UTRN: variants seen among roughly 807,000 people sequenced by gnomAD.
The protein encoded by UTRN is utrophin, also known as dystrophin-related protein 1.
In UTRN, 283 loss-of-function variants were observed where a neutral mutation model predicts 463.9. The observed-to-expected ratio is 0.61, with a 90% CI of 0.55 to 0.67. The LOEUF is 0.67. Ranked by LOEUF, UTRN falls within the 30% of genes least tolerant of loss-of-function variation. The pLI is 0.00. For synonymous variants in UTRN, 1,442 were observed against 1,431.5 expected, an observed-to-expected ratio of 1.01 and a Z score of -0.17; for missense variants, 3,922 against 4,084.3, an observed-to-expected ratio of 0.96 and a Z score of 1.08.
chr6:144,727,676 G>A (rs972797815), intron 53 of UTRN, among the ~76,000 whole-genome samples: 4 of 151,854 alleles, frequency 2.6e-5, no homozygotes, highest in Admixed American at 6.6e-5. Flanking sequence ...GGAGAATGGC[G>A]TGAACCCAGG....
At position 144,537,664 on chromosome 6, in the gene UTRN, G is replaced by A. The variant is rs1326006330; in HGVS notation, c.6316G>A (p.Ala2106Thr). 4 of 1,612,264 alleles carry A rather than the reference G, an allele frequency of 2.5e-6. No homozygotes were observed. The highest frequency in any genetic ancestry group is 3.4e-6 in the Non-Finnish European group (4 of 1,179,282). ...CTGTTGGTTAACAAAGGCTGAGCAT[G>A]CTATGCAAAAGAGATCAACCACCGA... ...IICWLTKAEH[A>T]MQKRSTTELG... Residue 2106 changes from alanine to threonine, a missense_variant, in exon 44 of 75, where the codon GCT becomes ACT. Around this residue, in one of 3 missense-constraint regions of UTRN, gnomAD observed 2,349 missense variants for 2,303.8 expected, o/e 1.02. Transcript: ENST00000367545.
Position 144,851,629 on chromosome 6 carries a change from C to G in UTRN, c.*632C>G, listed in dbSNP as rs1032033739. On this transcript the variant is annotated 3_prime_UTR_variant, in exon 75 of 75. Transcript: ENST00000367545. ...TACACACATATGGTTTAAGCTACAGCCCTGTGTATGCCGTTTAACTTTATT... is the reference window on the plus strand; with the variant it reads ...TACACACATATGGTTTAAGCTACAGGCCTGTGTATGCCGTTTAACTTTATT... 2 of 152,170 alleles carry G rather than the reference C, an allele frequency of 1.3e-5. No individual in the cohort carries two copies. The highest frequency in any genetic ancestry group is 2.9e-5 in the Non-Finnish European group (2 of 68,064). 9.4% of individuals were successfully genotyped at this position (152,170 alleles called of 1,614,324 possible).
intron 65 of UTRN, among the ~76,000 whole-genome samples, chr6:144,810,197 A>G (rs947719926): frequency 4.6e-5 from 7 of 152,016 alleles, no homozygotes; most frequent in African/African-American, 1.7e-4. Flanking sequence ...GGGTCTTATG[A>G]CCCTTTAGGG....
chr6:144,711,183 G>T (rs115493537), intron 53 of UTRN, among the ~76,000 whole-genome samples: 1 of 151,882 alleles, frequency 6.6e-6, no homozygotes, highest in Non-Finnish European at 1.5e-5. Flanking sequence ...GTGTGGTGGC[G>T]GGTGCCTATC....
chr6:144,722,180 T>G (rs867650490), intron 53 of UTRN, among the ~76,000 whole-genome samples: 2 of 152,164 alleles, frequency 1.3e-5, no homozygotes, highest in Non-Finnish European at 2.9e-5. Context: ...TCACCCTCAT[T>G]CTTCACTCAC....
At chr6:144,623,694 T>C (rs1413177765) in intron 51 of UTRN, among the ~76,000 whole-genome samples, 3 of 152,240 alleles carry the variant, frequency 2.0e-5, no homozygotes, top group African/African-American at 7.2e-5. Flanking sequence ...TTAATATTTC[T>C]AATTCACTAT....
At chr6:144,408,312 C>G (rs549880801) in intron 3 of UTRN, among the ~76,000 whole-genome samples, 1 of 152,302 alleles carries the variant, frequency 6.6e-6, no homozygotes, top group African/African-American at 2.4e-5. Flanking sequence ...GCTTGTTAGC[C>G]GGCCGGTCTC....
At chr6:144,681,825 T>A (rs1307282964) in intron 52 of UTRN, among the ~76,000 whole-genome samples, 1 of 152,144 alleles carries the variant, frequency 6.6e-6, no homozygotes, top group Admixed American at 6.5e-5. Flanking sequence ...CTTTTAAAAA[T>A]TTTTTTAATT....
chr6:144,747,614 A>G (rs1562856430), intron 54 of UTRN, among the ~76,000 whole-genome samples: 2 of 152,188 alleles, frequency 1.3e-5, no homozygotes, highest in Non-Finnish European at 2.9e-5. Flanking sequence ...GCATTGTGGA[A>G]GCCCCCTTGC....
intron 23 of UTRN, among the ~76,000 whole-genome samples, chr6:144,470,176 T>C (rs28719517): frequency 6.6e-6 from 1 of 152,180 alleles, no homozygotes; most frequent in Non-Finnish European, 1.5e-5. Flanking sequence ...TCCACAAAAC[T>C]GCCATCGTCA....
intron 2 of UTRN, among the ~76,000 whole-genome samples, chr6:144,307,525 T>C (rs926889977): frequency 3.3e-5 from 5 of 152,238 alleles, no homozygotes; most frequent in Admixed American, 3.3e-4. Flanking sequence ...TTTCTTTTTT[T>C]CTGAAATTAG....
At chr6:144,342,102 G>A (rs1406684748) in intron 2 of UTRN, among the ~76,000 whole-genome samples, 1 of 152,136 alleles carries the variant, frequency 6.6e-6, no homozygotes, top group Non-Finnish European at 1.5e-5. Context: ...GGTTTCGATA[G>A]CCATTAAGGA....
intron 3 of UTRN, among the ~76,000 whole-genome samples, chr6:144,407,575 A>G (rs1223339929): frequency 3.3e-5 from 5 of 152,236 alleles, no homozygotes; most frequent in Admixed American, 6.5e-5. Flanking sequence ...ACCCAATACA[A>G]TTCTTCACAT....
intron 51 of UTRN, among the ~76,000 whole-genome samples, chr6:144,590,233 G>A (rs1254646238): frequency 6.6e-6 from 1 of 152,060 alleles, no homozygotes; most frequent in Non-Finnish European, 1.5e-5. Context: ...TCAAGTATTG[G>A]CTATATAATG....
At chr6:144,493,511 A>ATCTC in intron 33 of UTRN, 55 bp downstream of exon 33, 1 of 1,385,458 alleles carries the variant, frequency 7.2e-7, no homozygotes, top group South Asian at 1.5e-5. Flanking sequence ...CTCTCTCTCA[A>ATCTC]TCTCTCTCTC....
intron 51 of UTRN, among the ~76,000 whole-genome samples, chr6:144,590,890 A>G (rs968950475): frequency 4.6e-5 from 7 of 151,918 alleles, no homozygotes; most frequent in African/African-American, 1.7e-4. Flanking sequence ...ATGCACACAC[A>G]CACACACACA....
rs1028737338 is a variant in UTRN, at chr6:144,517,768, C to G, written c.5541+820C>G. Among the ~76,000 whole-genome samples, 9 of 152,164 alleles carry G rather than the reference C, an allele frequency of 5.9e-5. No individual in the cohort carries two copies. The East Asian group carries it at 1.7e-3, about 29-fold the overall frequency. On this transcript the variant is annotated intron_variant, in intron 39 of 74. Coordinates refer to ENST00000367545, the MANE Select transcript of UTRN (RefSeq NM_007124.3). ...AAAGTTTTAGCCTAGGAGCAATTGACTATACCACACAGCCTAAGTGTGCAG... is the reference window on the plus strand; with the variant it reads ...AAAGTTTTAGCCTAGGAGCAATTGAGTATACCACACAGCCTAAGTGTGCAG...
intron 2 of UTRN, among the ~76,000 whole-genome samples, chr6:144,401,221 T>C (rs1400834713): frequency 6.6e-6 from 1 of 152,182 alleles, no homozygotes; most frequent in African/African-American, 2.4e-5. Context: ...TAAATGAAAC[T>C]GCATATAACA....
intron 1 of UTRN, among the ~76,000 whole-genome samples, chr6:144,288,846 C>A (rs921612625): frequency 4.0e-5 from 6 of 151,540 alleles, no homozygotes; most frequent in Non-Finnish European, 5.9e-5. Context: ...CCACTGCAAC[C>A]TTTACCTCCT....
Sources: allele counts gnomAD v4.1 joint callset (sites outside exome capture counted in the v4.1 genomes callset), GRCh38; gene constraint gnomAD v4.1.1; regional missense constraint gnomAD v4.1.1; transcripts MANE v1.5; gene names NCBI Gene and HGNC (gene_info 2026-07-23, HGNC 2026-07-21).